Variants in DCUN1D1 observed in about 807,000 individuals in gnomAD.
The protein encoded by DCUN1D1 is defective in cullin neddylation 1 domain containing 1.
In DCUN1D1, 3 loss-of-function variants were observed where a neutral mutation model predicts 39.0. The observed-to-expected ratio is 0.08, with a 90% CI of 0.04 to 0.20. The LOEUF (loss-of-function observed/expected upper bound fraction) is 0.20, where lower values mean the gene tolerates loss of function less well. Among genes scored for constraint, DCUN1D1 ranks in the 10% least tolerant of loss-of-function variants. DCUN1D1 has a pLI of 1.00. For missense variants in DCUN1D1, 158 were observed against 302.4 expected (o/e 0.52, Z 3.54); for synonymous variants, 82 against 96.3 (o/e 0.85, Z 0.87).
At chr3:182,967,940 A>C (rs971718088) in intron 1 of DCUN1D1, among the ~76,000 whole-genome samples, 2 of 152,194 alleles carry the variant, frequency 1.3e-5, no homozygotes, top group Non-Finnish European at 2.9e-5. Flanking sequence ...ACATGTTTTA[A>C]TCCTCCTCTG....
At chr3:182,953,413 G>A (rs1035434769) in intron 4 of DCUN1D1, among the ~76,000 whole-genome samples, 4 of 152,176 alleles carry the variant, frequency 2.6e-5, no homozygotes, top group Admixed American at 6.5e-5. Flanking sequence ...CTTAGCTAGC[G>A]AGAGGTGATT....
At chr3:182,959,127 G>T (rs904342994) in intron 4 of DCUN1D1, among the ~76,000 whole-genome samples, 1 of 152,086 alleles carries the variant, frequency 6.6e-6, no homozygotes, top group African/African-American at 2.4e-5. Flanking sequence ...TTAACTGGTG[G>T]CCCCAGACAG....
intron 1 of DCUN1D1, among the ~76,000 whole-genome samples, chr3:182,966,519 G>C (rs544208698): frequency 6.6e-6 from 1 of 152,088 alleles, no homozygotes; most frequent in East Asian, 1.9e-4. Context: ...CTCAGAGAGG[G>C]GAAGAGGTGA....
chr3:182,976,065 T>C (rs1391402342), intron 1 of DCUN1D1, among the ~76,000 whole-genome samples: 1 of 152,096 alleles, frequency 6.6e-6, no homozygotes, highest in East Asian at 1.9e-4. Flanking sequence ...ATCAAAGAGG[T>C]TTGGTTGTGT....
chr3:182,942,130 TC>T lies in DCUN1D1; in HGVS notation c.*2963del, dbSNP rs1193977201. On this transcript the variant is annotated 3_prime_UTR_variant, in exon 7 of 7. Transcript: ENST00000292782. ...TTCTCTCATTAAAACTTTTTAAAAG[TC>T]TAAGGAAGGACATGTACTTATAATG... 2.6e-5 allele frequency: 4 copies of T among 152,106 alleles called. No homozygotes were observed. Among genetic ancestry groups the T allele is most frequent in the Non-Finnish European group, 5.9e-5 (4 of 67,986 alleles). The allele number at this position is 152,106 out of a possible 1,614,324, so 9.4% of individuals were successfully genotyped here. A position where few individuals can be genotyped will look rare whatever the true frequency, so the allele number is the denominator to read the frequency against.
Position 182,938,290 on chromosome 3 carries a change from G to A in DCUN1D1, c.*6804C>T, listed in dbSNP as rs1408043747. 1.3e-5 allele frequency: 2 copies of A among 151,586 alleles called. No homozygotes were observed. The highest frequency in any genetic ancestry group is 2.4e-5 in the African/African-American group (1 of 41,254). The allele number at this position is 151,586 out of a possible 1,614,324, so 9.4% of individuals were successfully genotyped here. A position where few individuals can be genotyped will look rare whatever the true frequency, so the allele number is the denominator to read the frequency against. ...TGAAGCCAAAGAGTGGAGAGTGTGG[G>A]GATCCACTGGGTAGGACATTTGAGA... On this transcript the variant is annotated 3_prime_UTR_variant, in exon 7 of 7. Transcript: ENST00000292782.
intron 1 of DCUN1D1, among the ~76,000 whole-genome samples, chr3:182,972,348 T>C (rs1727987249): frequency 6.6e-6 from 1 of 152,144 alleles, no homozygotes; most frequent in Admixed American, 6.5e-5. Flanking sequence ...CAATTTCAAA[T>C]ACTAAGCAAA....
upstream of DCUN1D1, among the ~76,000 whole-genome samples, chr3:182,982,460 T>C (rs1728586682): frequency 6.6e-6 from 1 of 152,114 alleles, no homozygotes. Flanking sequence ...AATCTAAAAC[T>C]TTATCCCCAA....
At chr3:182,967,743 TCTC>T (rs1480005731) in intron 1 of DCUN1D1, among the ~76,000 whole-genome samples, 1 of 152,214 alleles carries the variant, frequency 6.6e-6, no homozygotes, top group African/African-American at 2.4e-5. Context: ...TTGAAAACTA[TCTC>T]CTCCTTGAGA....
rs1726284042 is a variant in DCUN1D1, at chr3:182,944,314, A to G, written c.*780T>C. 1.3e-5 allele frequency: 2 copies of G among 152,658 alleles called. No individual in the cohort carries two copies. The highest frequency in any genetic ancestry group is 1.3e-4 in the Admixed American group (2 of 15,284). 9.5% of individuals were successfully genotyped at this position (152,658 alleles called of 1,614,324 possible). ...AGTCCAATTATGTAGTGCATAATGT[A>G]GACAGGAGAAGAATCTAACATTATG... On this transcript the variant is annotated 3_prime_UTR_variant, in exon 7 of 7. Coordinates refer to ENST00000292782, the MANE Select transcript of DCUN1D1 (RefSeq NM_020640.4).
In DCUN1D1 at chr3:182,942,980, TATAA is replaced by T. The variant is rs1218609628; in HGVS notation, c.*2110_*2113del. On this transcript the variant is annotated 3_prime_UTR_variant, in exon 7 of 7. Transcript: ENST00000292782. ...TTTTTGTTTATAATTACACAGTAAT[TATAA>T]ATGTTTAGTACCAACCTGATGACAA... 6.6e-6 allele frequency: 1 copy of T among 151,926 alleles called. No homozygotes were observed. The allele number at this position is 151,926 out of a possible 1,614,324, so 9.4% of individuals were successfully genotyped here.
intron 4 of DCUN1D1, chr3:182,955,729 C>T (rs897063345): frequency 1.9e-5 from 6 of 309,464 alleles, no homozygotes; most frequent in Non-Finnish European, 3.2e-5. Context: ...TACAGGCACC[C>T]ACCACCACAC....
upstream of DCUN1D1, among the ~76,000 whole-genome samples, chr3:182,983,169 A>AC (rs1369611766): frequency 2.0e-5 from 3 of 151,914 alleles, no homozygotes; most frequent in East Asian, 5.8e-4. Context: ...ACCCAAATGC[A>AC]CCTCATATTT....
chr3:182,970,354 C>T (rs1383080675), intron 1 of DCUN1D1, among the ~76,000 whole-genome samples: 1 of 152,038 alleles, frequency 6.6e-6, no homozygotes. Context: ...AAAAGCCTTC[C>T]CATTAAAAGT....
At chr3:182,946,759 G>A (rs4859259) in intron 6 of DCUN1D1, among the ~76,000 whole-genome samples, 83,438 of 151,818 alleles carry the variant, frequency 0.55, 28,577 homozygotes, top group Non-Finnish European at 0.77. Context: ...AGGAATTGAA[G>A]GAAACAGAAG....
At position 182,942,087 on chromosome 3, in the gene DCUN1D1, T is replaced by C. The variant is rs752339284; in HGVS notation, c.*3007A>G. The C allele has an allele frequency of 1.3e-5, 2 of 152,142 alleles. No homozygotes were observed. The highest frequency in any genetic ancestry group is 2.9e-5 in the Non-Finnish European group (2 of 67,976). 9.4% of individuals were successfully genotyped at this position (152,142 alleles called of 1,614,324 possible). Reference sequence around the variant, plus strand: ...TACGTAAAGGATTTCTCATGTTATTTTGTTGAGTAAATTTACTTTCTCTCA... The same window carrying C: ...TACGTAAAGGATTTCTCATGTTATTCTGTTGAGTAAATTTACTTTCTCTCA... On this transcript the variant is annotated 3_prime_UTR_variant, in exon 7 of 7. Transcript: ENST00000292782.
intron 6 of DCUN1D1, among the ~76,000 whole-genome samples, chr3:182,945,554 G>A (rs140624656): frequency 3.9e-5 from 6 of 152,150 alleles, no homozygotes; most frequent in Admixed American, 6.5e-5. Context: ...GTGAGATCGC[G>A]CCACTGCACT....
intron 4 of DCUN1D1, among the ~76,000 whole-genome samples, chr3:182,958,924 C>T (rs1344380167): frequency 1.3e-5 from 2 of 152,068 alleles, no homozygotes; most frequent in Non-Finnish European, 2.9e-5. Context: ...TAAAGGGTAG[C>T]GATATAACTA....
intron 2 of DCUN1D1, 32 bp from the exon 3 acceptor site, chr3:182,964,081 T>C (rs750109958): frequency 1.3e-6 from 2 of 1,554,618 alleles, no homozygotes; most frequent in Non-Finnish European, 1.8e-6. Flanking sequence ...ATTAAAGTAG[T>C]GTCATATTAT....
Sources: allele counts gnomAD v4.1 joint callset (sites outside exome capture counted in the v4.1 genomes callset), GRCh38; gene constraint gnomAD v4.1.1; transcripts MANE v1.5; gene names NCBI Gene and HGNC (gene_info 2026-07-23, HGNC 2026-07-21).